The following SYAP1 variants were observed in gnomAD, a reference collection of about 807,000 sequenced individuals.
SYAP1 encodes synapse associated protein 1.
SYAP1 carries 3 observed loss-of-function variants against 29.6 expected under a neutral mutation model. The ratio of observed to expected loss-of-function variants is 0.10; its 90% CI spans 0.05 to 0.26. The LOEUF (loss-of-function observed/expected upper bound fraction) is 0.26, where lower values mean the gene tolerates loss of function less well. Among genes scored for constraint, SYAP1 ranks in the 10% least tolerant of loss-of-function variants. The pLI is 1.00. For missense variants in SYAP1, 217 were observed against 264.1 expected (o/e 0.82, Z 1.24); for synonymous variants, 102 against 102.7 (o/e 0.99, Z 0.04).
intron 3 of SYAP1, 59 bp downstream of exon 3, chrX:16,736,291 C>G: frequency 1.3e-6 from 1 of 771,632 alleles, no homozygotes; most frequent in South Asian, 2.3e-5. Flanking sequence ...CTGTTATGTG[C>G]TAGATACCAC....
At chrX:16,726,680 G>C (rs1246765959) in intron 1 of SYAP1, among the ~76,000 whole-genome samples, 1 of 111,288 alleles carries the variant, frequency 9.0e-6, no homozygotes, top group Non-Finnish European at 1.9e-5. Context: ...GAATCGTAGG[G>C]AGATGGGGCA....
At chrX:16,735,016 A>C (rs1342105618) in intron 1 of SYAP1, among the ~76,000 whole-genome samples, 4 of 105,946 alleles carry the variant, frequency 3.8e-5, no homozygotes, top group Middle Eastern at 4.8e-3. Flanking sequence ...AAAAAAAAAA[A>C]AAAAAACAAA....
At chrX:16,731,456 T>C (rs1326437140) in intron 1 of SYAP1, among the ~76,000 whole-genome samples, 1 of 112,046 alleles carries the variant, frequency 8.9e-6, no homozygotes, top group Admixed American at 9.6e-5. Context: ...CAAGCTATTC[T>C]TGTTCATTAA....
chrX:16,758,965 C>T (rs1029522558), intron 8 of SYAP1, among the ~76,000 whole-genome samples: 10 of 106,297 alleles, frequency 9.4e-5, no homozygotes, highest in African/African-American at 2.7e-4. Flanking sequence ...GGGCGGATCA[C>T]GAGGTCAGGA....
intron 3 of SYAP1, among the ~76,000 whole-genome samples, chrX:16,739,006 G>T (rs997040872): frequency 4.5e-5 from 5 of 111,116 alleles, no homozygotes; most frequent in Non-Finnish European, 9.4e-5. Flanking sequence ...ATAATTTCAG[G>T]AACTCGGGGT....
chrX:16,754,566 A>G (rs2147436597), intron 5 of SYAP1, among the ~76,000 whole-genome samples: 1 of 110,796 alleles, frequency 9.0e-6, no homozygotes, highest in South Asian at 3.8e-4. Flanking sequence ...CGTCTCTACT[A>G]AAAATACAAA....
intron 3 of SYAP1, among the ~76,000 whole-genome samples, chrX:16,741,371 T>A (rs1464389766): frequency 9.1e-6 from 1 of 110,401 alleles, no homozygotes; most frequent in African/African-American, 3.3e-5. Flanking sequence ...ACTTTTGTAT[T>A]TTTTTGTAGA....
intron 5 of SYAP1, among the ~76,000 whole-genome samples, chrX:16,752,407 T>TTATTA (rs1250962008): frequency 1.1e-5 from 1 of 88,863 alleles, no homozygotes; most frequent in Non-Finnish European, 2.4e-5. Flanking sequence ...TATTATTATT[T>TTATTA]TGAAACACAA....
rs1925909070 is a variant in SYAP1, at chrX:16,719,697, G to C, written c.-28G>C. 1.1e-5 allele frequency: 13 copies of C among 1,199,383 alleles called. No homozygotes were observed. Among genetic ancestry groups the C allele is most frequent in the East Asian group, 9.0e-5 (3 of 33,187 alleles). The stretch of plus-strand genomic sequence containing the variant: ...GTGCTCGCTGCGGTCTCTGGGGATC[G>C]GGACCGCGGCGGCGGCCCGCGAGCG... On this transcript the variant is annotated 5_prime_UTR_variant, in exon 1 of 9. Coordinates refer to ENST00000380155, the MANE Select transcript of SYAP1 (RefSeq NM_032796.4).
At chrX:16,752,057 G>C (rs1307343915) in intron 5 of SYAP1, among the ~76,000 whole-genome samples, 2 of 91,552 alleles carry the variant, frequency 2.2e-5, no homozygotes, top group African/African-American at 8.4e-5. Flanking sequence ...TTGGCTCACC[G>C]CAGCCTCCAC....
At chrX:16,753,310 A>T (rs772734285) in intron 5 of SYAP1, among the ~76,000 whole-genome samples, 61 of 108,435 alleles carry the variant, frequency 5.6e-4, no homozygotes, top group Non-Finnish European at 1.0e-3. Context: ...GCCACCCGGG[A>T]GGCTGAGGCA....
At chrX:16,753,244 CAAAAAAAAAAAA>C (rs770811287) in intron 5 of SYAP1, among the ~76,000 whole-genome samples, 1 of 41,401 alleles carries the variant, frequency 2.4e-5, no homozygotes. Context: ...GACTCCGTCT[CAAAAAAAAAAAA>C]AAAAAAAATT....
At chrX:16,734,007 G>A (rs1926268022) in intron 1 of SYAP1, among the ~76,000 whole-genome samples, 1 of 110,867 alleles carries the variant, frequency 9.0e-6, no homozygotes, top group African/African-American at 3.3e-5. Context: ...CTAATTCTGT[G>A]GTTTTGTTTT....
At position 16,764,709 on chromosome X, in the gene SYAP1, T is replaced by G. The variant is rs1393299547; in HGVS notation, c.*4350T>G. Reference sequence around the variant, plus strand: ...AAAGTGGTAGAATTTTTTTTTTTCTTTTTGAGACAGGGTCTTGCTCTGTCA... The same window carrying G: ...AAAGTGGTAGAATTTTTTTTTTTCTGTTTGAGACAGGGTCTTGCTCTGTCA... On this transcript the variant is annotated 3_prime_UTR_variant, in exon 9 of 9. Transcript: ENST00000380155. 9.2e-6 allele frequency: 1 copy of G among 108,849 alleles called. No homozygotes were observed. The highest frequency in any genetic ancestry group is 2.9e-4 in the East Asian group (1 of 3,480). The allele number at this position is 108,849 out of a possible 1,213,427, so 9.0% of individuals were successfully genotyped here. A position where few individuals can be genotyped will look rare whatever the true frequency, so the allele number is the denominator to read the frequency against.
At chrX:16,754,026 T>C in intron 5 of SYAP1, among the ~76,000 whole-genome samples, 1 of 111,007 alleles carries the variant, frequency 9.0e-6, no homozygotes, top group Non-Finnish European at 1.9e-5. Flanking sequence ...TTCTAATAGG[T>C]AGCCAGGTTT....
chrX:16,729,774 G>T (rs539961532), intron 1 of SYAP1, among the ~76,000 whole-genome samples: 1 of 111,066 alleles, frequency 9.0e-6, no homozygotes, highest in Non-Finnish European at 1.9e-5. Flanking sequence ...GAGCCACTGC[G>T]CCCAGCCTAT....
intron 1 of SYAP1, among the ~76,000 whole-genome samples, chrX:16,735,007 A>G (rs1435152348): frequency 1.9e-5 from 2 of 106,132 alleles, no homozygotes; most frequent in African/African-American, 3.5e-5. Context: ...AAAAAAAAAA[A>G]AAAAAAAAAA....
At chrX:16,743,095 A>G (rs1354705473) in intron 4 of SYAP1, among the ~76,000 whole-genome samples, 2 of 108,624 alleles carry the variant, frequency 1.8e-5, no homozygotes, top group Admixed American at 1.0e-4. Context: ...TGGGAGGCCA[A>G]GGTGGGTGGA....
chrX:16,740,331 C>T (rs1052359222), intron 3 of SYAP1, among the ~76,000 whole-genome samples: 10 of 96,692 alleles, frequency 1.0e-4, no homozygotes, highest in African/African-American at 4.2e-4. Flanking sequence ...CTGCCTCCAA[C>T]TTGTGCATTT....
Sources: gnomAD v4.1 joint callset for allele counts (sites outside exome capture counted in the v4.1 genomes callset) on GRCh38, gnomAD v4.1.1 for gene constraint, MANE v1.5 for transcripts, NCBI Gene and HGNC (gene_info 2026-07-23, HGNC 2026-07-21) for gene names.